Variants in CIITA observed in about 807,000 individuals in gnomAD.
CIITA encodes the protein class II major histocompatibility complex transactivator, also known as MHC class II transactivator.
In CIITA, 72 loss-of-function variants were observed where a neutral mutation model predicts 115.1. That is an observed-to-expected ratio of 0.63 (90% CI 0.52 to 0.76). The LOEUF (loss-of-function observed/expected upper bound fraction) is 0.76. Ranked by LOEUF, CIITA falls within the 30% of genes least tolerant of loss-of-function variation. The pLI is 0.00. For missense variants in CIITA, 1,617 were observed against 1,463.8 expected (o/e 1.10, Z -1.71); for synonymous variants, 763 against 635.6 (o/e 1.20, Z -3.02).
rs573965744 is a variant in CIITA at position 10,902,567 on chromosome 16, G to C, written c.629-91G>C. ...CTCTTAGGGAAATTAGGGCCCTTTA[G>C]GGGGGTCAGACATTAATCAAATAAG... On this transcript the variant is annotated intron_variant, in intron 7 of 19. Coordinates refer to ENST00000324288, the MANE Select transcript of CIITA (RefSeq NM_000246.4). 70 of 1,537,508 alleles carry C rather than the reference G, an allele frequency of 4.6e-5. No homozygotes were observed. In the South Asian group the frequency reaches 6.7e-4, roughly 15 times the overall value.
At chr16:10,915,766 A>T in intron 14 of CIITA, 116 bp downstream of exon 14, 5 of 926,004 alleles carry the variant, frequency 5.4e-6, no homozygotes, top group Non-Finnish European at 1.7e-6. Flanking sequence ...CAGCCTCCTG[A>T]GTAGCTGGGA....
intron 16 of CIITA, among the ~76,000 whole-genome samples, chr16:10,919,262 C>T (rs907744975): frequency 2.5e-5 from 1 of 40,666 alleles, no homozygotes; most frequent in Non-Finnish European, 4.8e-5. Context: ...GGTGTGATCT[C>T]AGCTCACTGC....
Position 10,902,775 on chromosome 16 carries a change from G to A in CIITA, c.746G>A (p.Gly249Glu). ...TGGCAAATCTCTGAGGCTGGAACAG[G>A]GGTCTCCAGTATATTCATCTACCAT... ...GLWQISEAGT[G>E]VSSIFIYHGE... Residue 249 changes from glycine to glutamate, a missense_variant, in exon 8 of 20, where the codon GGG becomes GAG. Transcript: ENST00000324288. 1 of 1,614,146 alleles carries A rather than the reference G, an allele frequency of 6.2e-7. No homozygotes were observed. The highest frequency in any genetic ancestry group is 8.5e-7 in the Non-Finnish European group (1 of 1,180,018).
chr16:10,892,266 G>A (rs2037670766), intron 1 of CIITA, among the ~76,000 whole-genome samples: 2 of 152,042 alleles, frequency 1.3e-5, no homozygotes, highest in African/African-American at 4.8e-5. Context: ...AGAGGTTGCA[G>A]TGAGCCAAGA....
At position 10,941,936 on chromosome 16, in the gene CIITA, G is replaced by A; in HGVS notation, n.1062G>A. On this transcript the variant is annotated non_coding_transcript_exon_variant, in exon 2 of 2. Transcript: ENST00000573379. The surrounding 1 kb of genome is among the most constrained non-coding windows in gnomAD (Gnocchi z 6.4). ...CCCACGTAGAACATAGAGGGCAGCA[G>A]CGGCGGCGGCACGTAGGGGACCAGG... The A allele has an allele frequency of 6.3e-7, 1 of 1,587,744 alleles. No homozygotes were observed. The highest frequency in any genetic ancestry group is 1.3e-5 in the African/African-American group (1 of 74,606).
intron 1 of CIITA, among the ~76,000 whole-genome samples, chr16:10,868,694 T>C (rs555081094): frequency 1.3e-5 from 2 of 152,274 alleles, no homozygotes; most frequent in East Asian, 1.9e-4. Flanking sequence ...CCCAGCCACA[T>C]GTGCCTTCAC....
rs1028648367 is a variant in CIITA at position 10,920,300 on chromosome 16, TGCAGTG to T, written c.3149+1778_3149+1783del. Among the ~76,000 whole-genome samples the T allele has an allele frequency of 4.6e-5, 7 of 152,378 alleles. No homozygotes were observed. The highest frequency in any genetic ancestry group is 1.3e-4 in the Admixed American group (2 of 15,302). ...TCTCACTTTATTGCCCAGGCTAAGG[TGCAGTG>T]GCATGATCTCAGCTCACTGCAAGCA... On this transcript the variant is annotated intron_variant, in intron 16 of 19. Coordinates refer to ENST00000324288, the MANE Select transcript of CIITA (RefSeq NM_000246.4). The surrounding 1 kb of genome is among the most constrained non-coding windows in gnomAD (Gnocchi z 4.5).
In CIITA at chr16:10,942,122, A is replaced by G; in HGVS notation, n.1248A>G. ...CAGGGGTACCCTGGAGCCCGACAGA[A>G]GCAGGGCCGGGCTCCAGATGTCCCC... On this transcript the variant is annotated non_coding_transcript_exon_variant, in exon 2 of 2. Coordinates refer to the CIITA transcript ENST00000573379. The surrounding 1 kb of genome is among the most constrained non-coding windows in gnomAD (Gnocchi z 5.0). 1 of 744,808 alleles carries G rather than the reference A, an allele frequency of 1.3e-6. No individual in the cohort carries two copies. The highest frequency in any genetic ancestry group is 1.9e-6 in the Non-Finnish European group (1 of 518,532). The allele number at this position is 744,808 out of a possible 1,614,324, so 46.1% of individuals were successfully genotyped here.
chr16:10,877,485 G>A, intron 1 of CIITA, 103 bp downstream of exon 1: 1 of 1,191,888 alleles, frequency 8.4e-7, no homozygotes, highest in Non-Finnish European at 1.2e-6. Flanking sequence ...TGGGGGTGAG[G>A]ATGGGAACAG....
At position 10,908,085 on chromosome 16, in the gene CIITA, A is replaced by G. The variant is rs754936920; in HGVS notation, c.2593A>G (p.Ser865Gly). The G allele has an allele frequency of 5.6e-6, 9 of 1,608,666 alleles. No homozygotes were observed. Among genetic ancestry groups the G allele is most frequent in the Admixed American group, 1.7e-5 (1 of 59,086 alleles). The change falls in exon 11 of 20, where the codon AGC becomes GGC. Residue 865 changes from serine to glycine, a missense_variant. Coordinates refer to ENST00000324288, the MANE Select transcript of CIITA (RefSeq NM_000246.4). ...CCAAGACTTCTCCCTGGACCTCCGC[A>G]GCACTGGCATTTGCCCCTCTGGATT... is the stretch of plus-strand genomic sequence containing the variant. ...AGQDFSLDLR[S>G]TGICPSGLGS...
At chr16:10,903,333 G>A (rs1216023017) in intron 8 of CIITA, among the ~76,000 whole-genome samples, 1 of 152,192 alleles carries the variant, frequency 6.6e-6, no homozygotes, top group Non-Finnish European at 1.5e-5. Context: ...ATGAGACCAG[G>A]AGGATGCTTC....
rs939951181 is a variant in CIITA at position 10,924,374 on chromosome 16, C to G, written c.*519C>G. The G allele has an allele frequency of 6.6e-6, 1 of 152,432 alleles. No individual in the cohort carries two copies. The highest frequency in any genetic ancestry group is 1.5e-5 in the Non-Finnish European group (1 of 68,232). 9.4% of individuals were successfully genotyped at this position (152,432 alleles called of 1,614,324 possible). A position where few individuals can be genotyped will look rare whatever the true frequency, so the allele number is the denominator to read the frequency against. On this transcript the variant is annotated 3_prime_UTR_variant, in exon 20 of 20. Coordinates refer to ENST00000324288, the MANE Select transcript of CIITA (RefSeq NM_000246.4). ...TCAGCCTCCCGAGTAGCTGGGACTA[C>G]AGGCACCCACCATCATGTCTGGCTA...
chr16:10,917,661 G>A (rs186775711), intron 15 of CIITA, among the ~76,000 whole-genome samples: 29 of 152,008 alleles, frequency 1.9e-4, no homozygotes, highest in Non-Finnish European at 3.5e-4. Context: ...TGTATTTTTA[G>A]TAGAGACGGG....
intron 1 of CIITA, among the ~76,000 whole-genome samples, chr16:10,870,861 T>C (rs2035435088): frequency 6.6e-6 from 1 of 152,166 alleles, no homozygotes; most frequent in Admixed American, 6.5e-5. Flanking sequence ...GCAAGGAGAA[T>C]GGAACAGGAA....
At position 10,934,499 on chromosome 16, in the gene CIITA, C is replaced by T. The variant is rs749816310; in HGVS notation, c.*10644C>T. ...GATCTGATCCGCTGCTGCGTATTCA[C>T]TACCGCCCTGGGACGCCTCCAGCAG... On this transcript the variant is annotated 3_prime_UTR_variant, in exon 20 of 20. Transcript: ENST00000324288. This position sits in a 1 kb window ranked among gnomAD's most constrained non-coding sequence, Gnocchi z 4.2. 1 of 152,260 alleles carries T rather than the reference C, an allele frequency of 6.6e-6. No homozygotes were observed. Among genetic ancestry groups the T allele is most frequent in the Non-Finnish European group, 1.5e-5 (1 of 68,102 alleles). The allele number at this position is 152,260 out of a possible 1,614,324, so 9.4% of individuals were successfully genotyped here. A position where few individuals can be genotyped will look rare whatever the true frequency, so the allele number is the denominator to read the frequency against.
intron 1 of CIITA, chr16:10,888,750 G>A (rs12598451): frequency 0.25 from 38,222 of 152,188 alleles, 5,216 homozygotes; most frequent in East Asian, 0.53. Context: ...CACAGACCGC[G>A]CCTCTGCCCT....
rs2040778742 is a variant in CIITA, at chr16:10,931,277, A to T, written c.*7422A>T. The T allele has an allele frequency of 6.5e-6, 1 of 152,708 alleles. No homozygotes were observed. The highest frequency in any genetic ancestry group is 2.1e-4 in the South Asian group (1 of 4,838). 9.5% of individuals were successfully genotyped at this position (152,708 alleles called of 1,614,324 possible). On this transcript the variant is annotated 3_prime_UTR_variant, in exon 20 of 20. Coordinates refer to ENST00000324288, the MANE Select transcript of CIITA (RefSeq NM_000246.4). ...CAGTGAACTATGACTGTGCCCCTGC[A>T]CCCAGCCTGGGTGACAGAGACCCTG...
In CIITA at chr16:10,909,085, C is replaced by A; in HGVS notation, c.2714C>A (p.Thr905Asn). 1 of 1,614,098 alleles carries A rather than the reference C, an allele frequency of 6.2e-7. No individual in the cohort carries two copies. The highest frequency in any genetic ancestry group is 1.1e-5 in the South Asian group (1 of 91,080). The change falls in exon 12 of 20, where the codon ACC (threonine) becomes AAC (asparagine). Residue 905 changes from threonine to asparagine, a missense_variant. Physicochemically the swap from Thr to Asn is moderately conservative, Grantham distance 65 (BLOSUM62 0). Coordinates refer to ENST00000324288, the MANE Select transcript of CIITA (RefSeq NM_000246.4). ...GAGTCCCTGCAGCAGCATGGGGAGA[C>A]CAAGCTACTTCAGGCAGCAGAGGAG... ...LWESLQQHGE[T>N]KLLQAAEEKF...
intron 3 of CIITA, among the ~76,000 whole-genome samples, chr16:10,896,768 A>G (rs988307131): frequency 1.3e-5 from 2 of 152,240 alleles, no homozygotes; most frequent in African/African-American, 4.8e-5. Flanking sequence ...CAACCCAGGA[A>G]CAGCAGCATT....
Sources: allele counts gnomAD v4.1 joint callset (sites outside exome capture counted in the v4.1 genomes callset), GRCh38; gene constraint gnomAD v4.1.1; non-coding constraint Gnocchi (gnomAD v3.1); transcripts MANE v1.5; gene names NCBI Gene and HGNC (gene_info 2026-07-23, HGNC 2026-07-21).